APBB2: variants seen among roughly 807,000 people sequenced by gnomAD.
The protein encoded by APBB2 is amyloid beta precursor protein binding family B member 2.
A neutral mutation model predicts 82.5 loss-of-function variants in APBB2; 38 were observed. That is an observed-to-expected ratio of 0.46 (90% CI 0.36 to 0.60). APBB2 has a LOEUF of 0.60. Ranked by LOEUF, APBB2 falls within the 20% of genes least tolerant of loss-of-function variation. The pLI is 0.00. For missense variants in APBB2, 772 were observed against 972.3 expected (o/e 0.79, Z 2.74); for synonymous variants, 341 against 368.2 (o/e 0.93, Z 0.85).
At chr4:41,209,227 T>C (rs890964750) in intron 1 of APBB2, among the ~76,000 whole-genome samples, 3 of 152,304 alleles carry the variant, frequency 2.0e-5, no homozygotes, top group South Asian at 4.1e-4. Flanking sequence ...CCTCACTGAC[T>C]CACTTAAAGG....
intron 6 of APBB2, among the ~76,000 whole-genome samples, chr4:40,986,316 T>C (rs1465571280): frequency 6.6e-6 from 1 of 152,250 alleles, no homozygotes; most frequent in African/African-American, 2.4e-5. Flanking sequence ...ACTCATCTGC[T>C]ACCAGCATCC....
intron 10 of APBB2, among the ~76,000 whole-genome samples, chr4:40,907,402 G>A (rs1404606867): frequency 5.0e-5 from 4 of 79,306 alleles, no homozygotes; most frequent in Non-Finnish European, 9.5e-5. Context: ...TTTTTTTTTA[G>A]ACAGAGTCTC....
intron 12 of APBB2, among the ~76,000 whole-genome samples, chr4:40,887,495 T>TTTCCTTTGCAATG (rs1322017188): frequency 5.3e-5 from 8 of 152,210 alleles, no homozygotes; most frequent in African/African-American, 1.7e-4. Flanking sequence ...TGAAAAGCCC[T>TTTCCTTTGCAATG]TTCCTTTGCA....
At chr4:40,934,326 G>T in intron 10 of APBB2, 130 bp downstream of exon 10, 1 of 879,474 alleles carries the variant, frequency 1.1e-6, no homozygotes, top group Non-Finnish European at 1.8e-6. Flanking sequence ...GATTAGGAAA[G>T]AGAAAATTGA....
intron 13 of APBB2, among the ~76,000 whole-genome samples, chr4:40,830,094 T>C (rs1401169153): frequency 6.6e-6 from 1 of 152,208 alleles, no homozygotes; most frequent in East Asian, 1.9e-4. Context: ...GATATATACA[T>C]TTCTAGGCTG....
intron 1 of APBB2, among the ~76,000 whole-genome samples, chr4:41,187,873 T>C (rs1019071293): frequency 6.6e-6 from 1 of 152,248 alleles, no homozygotes; most frequent in Admixed American, 6.5e-5. Context: ...AAAGTTTCTA[T>C]GTATGCATGT....
At chr4:41,166,896 A>T (rs188620044) in intron 1 of APBB2, among the ~76,000 whole-genome samples, 15 of 152,264 alleles carry the variant, frequency 9.9e-5, no homozygotes, top group Admixed American at 3.9e-4. Flanking sequence ...AATAAAATTT[A>T]AAAAAACTGT....
At chr4:40,954,306 G>A (rs561734478) in intron 6 of APBB2, among the ~76,000 whole-genome samples, 4 of 152,124 alleles carry the variant, frequency 2.6e-5, no homozygotes, top group Admixed American at 1.3e-4. Flanking sequence ...GATTTCCCTC[G>A]GGTCCTTAGG....
At chr4:40,844,500 G>A (rs1399386616) in intron 12 of APBB2, among the ~76,000 whole-genome samples, 3 of 152,238 alleles carry the variant, frequency 2.0e-5, no homozygotes, top group Admixed American at 6.5e-5. Flanking sequence ...CAGCATTTGA[G>A]ATGGACTGTC....
At chr4:40,978,756 C>A (rs1047473298) in intron 6 of APBB2, among the ~76,000 whole-genome samples, 4 of 152,022 alleles carry the variant, frequency 2.6e-5, no homozygotes, top group African/African-American at 9.7e-5. Context: ...TTTATACTTA[C>A]AAATAAACAA....
chr4:40,900,374 C>T (rs1774917437), intron 10 of APBB2, among the ~76,000 whole-genome samples: 2 of 151,302 alleles, frequency 1.3e-5, no homozygotes, highest in South Asian at 2.1e-4. Context: ...AGAGCAGACA[C>T]ATAGCAGCAA....
At chr4:41,163,229 G>C (rs1765635224) in intron 1 of APBB2, among the ~76,000 whole-genome samples, 1 of 152,212 alleles carries the variant, frequency 6.6e-6, no homozygotes, top group Admixed American at 6.5e-5. Context: ...AAGATCTGGG[G>C]GGAAAGAGTA....
chr4:40,989,002 CA>C (rs1801238918), intron 6 of APBB2, among the ~76,000 whole-genome samples: 2 of 152,100 alleles, frequency 1.3e-5, no homozygotes, highest in African/African-American at 2.4e-5. Context: ...TCACGTGATC[CA>C]CCCGCCTTGG....
At chr4:40,875,040 G>A (rs1766522144) in intron 12 of APBB2, among the ~76,000 whole-genome samples, 1 of 152,224 alleles carries the variant, frequency 6.6e-6, no homozygotes, top group Non-Finnish European at 1.5e-5. Flanking sequence ...TGAAGGCACA[G>A]TCCGGTGCAG....
rs75826606 is a variant in APBB2 at position 41,178,011 on chromosome 4, A to G, written c.-416-34869T>C. On this transcript the variant is annotated intron_variant, in intron 1 of 17. Transcript: ENST00000508593. Reference sequence around the variant, plus strand: ...GATGCTCAACCTGTATATATGAAGCACTAAGTACAGGGTCTCACACGCAGA... The same window carrying G: ...GATGCTCAACCTGTATATATGAAGCGCTAAGTACAGGGTCTCACACGCAGA... Among the ~76,000 whole-genome samples, 450 of 152,312 alleles carry G rather than the reference A, an allele frequency of 3.0e-3. 2 individuals carry two copies. The highest frequency in any genetic ancestry group is 0.01 in the African/African-American group (428 of 41,572).
intron 7 of APBB2, 64 bp from the exon 8 acceptor site, chr4:40,935,203 A>T: frequency 6.9e-5 from 5 of 72,382 alleles, no homozygotes; most frequent in Non-Finnish European, 1.2e-4. Flanking sequence ...AAAAGAAAAG[A>T]AAAAAAAAAA....
intron 6 of APBB2, among the ~76,000 whole-genome samples, chr4:40,954,099 G>A (rs574990334): frequency 6.6e-6 from 1 of 152,224 alleles, no homozygotes; most frequent in South Asian, 2.1e-4. Flanking sequence ...TCCCGGGTGG[G>A]GCCAGTGTGT....
At chr4:40,991,736 T>C (rs1297093761) in intron 6 of APBB2, among the ~76,000 whole-genome samples, 1 of 152,160 alleles carries the variant, frequency 6.6e-6, no homozygotes, top group African/African-American at 2.4e-5. Context: ...TTGAAAATCA[T>C]CTGGGTAGTT....
In APBB2 at chr4:41,161,138, C is replaced by T. The variant is rs144887345; in HGVS notation, c.-416-17996G>A. On this transcript the variant is annotated intron_variant, in intron 1 of 17. Transcript: ENST00000508593. ...CAACTCAAACTGACAGCATGTATTA[C>T]AGAATGCTGCAGCTATGATCCTCTT... is the stretch of plus-strand genomic sequence containing the variant. Among the ~76,000 whole-genome samples the T allele has an allele frequency of 3.2e-4, 38 of 119,280 alleles. No homozygotes were observed. In the East Asian group the frequency reaches 6.8e-3, roughly 21 times the overall value. 78.3% of individuals were successfully genotyped at this position (119,280 alleles called of 152,430 possible).
Sources: allele counts gnomAD v4.1 joint callset (sites outside exome capture counted in the v4.1 genomes callset), GRCh38; gene constraint gnomAD v4.1.1; transcripts MANE v1.5; gene names NCBI Gene and HGNC (gene_info 2026-07-23, HGNC 2026-07-21).